ERBB4: variants seen among roughly 807,000 people sequenced by gnomAD.
ERBB4 encodes the protein erb-b2 receptor tyrosine kinase 4.
ERBB4 carries 42 observed loss-of-function variants against 158.0 expected under a neutral mutation model. The ratio of observed to expected loss-of-function variants is 0.27; its 90% CI spans 0.21 to 0.34. The LOEUF is 0.34. Among genes scored for constraint, ERBB4 ranks in the 10% least tolerant of loss-of-function variants. The pLI is 1.00. For synonymous variants in ERBB4, 583 were observed against 558.7 expected (o/e 1.04, Z -0.61); for missense variants, 1,333 against 1,624.1 (o/e 0.82, Z 3.08).
At chr2:212,316,957 G>A (rs1441816658) in intron 1 of ERBB4, among the ~76,000 whole-genome samples, 2 of 151,468 alleles carry the variant, frequency 1.3e-5, no homozygotes, top group Non-Finnish European at 3.0e-5. Context: ...GAGCTATTCT[G>A]AGGTGATTAT....
At chr2:211,925,831 T>TC (rs1491583429) in intron 3 of ERBB4, among the ~76,000 whole-genome samples, 4 of 152,132 alleles carry the variant, frequency 2.6e-5, no homozygotes, top group Non-Finnish European at 5.9e-5. Flanking sequence ...TCATACTTTT[T>TC]CTCTCTTTTT....
In ERBB4 at chr2:211,826,841, T is replaced by C. The variant is rs559035672; in HGVS notation, c.422-38682A>G. On this transcript the variant is annotated intron_variant, in intron 3 of 27. Coordinates refer to ENST00000342788, the MANE Select transcript of ERBB4 (RefSeq NM_005235.3). ...CATTTATCAAAACATTTTAATGACATATTTTACTTAAGGCAATCCTTAGAG... is the reference window on the plus strand; with the variant it reads ...CATTTATCAAAACATTTTAATGACACATTTTACTTAAGGCAATCCTTAGAG... 3.3e-5 allele frequency among the ~76,000 whole-genome samples: 5 copies of C among 152,202 alleles called. No homozygotes were observed. In the South Asian group the frequency reaches 1.0e-3, roughly 31 times the overall value.
intron 14 of ERBB4, among the ~76,000 whole-genome samples, chr2:211,672,811 T>G (rs1269798224): frequency 6.6e-6 from 1 of 152,154 alleles, no homozygotes; most frequent in Non-Finnish European, 1.5e-5. Flanking sequence ...CAGAATTAGT[T>G]TTTCCTTCAT....
intron 12 of ERBB4, among the ~76,000 whole-genome samples, chr2:211,694,757 T>G (rs575838416): frequency 1.5e-3 from 231 of 152,252 alleles, no homozygotes; most frequent in African/African-American, 5.0e-3. Context: ...ATTCATTGAT[T>G]TCCCAGGCTC....
rs188909038 is a variant in ERBB4 at position 212,373,527 on chromosome 2, T to C, written c.82+164922A>G. On this transcript the variant is annotated intron_variant, in intron 1 of 27. Transcript: ENST00000342788. ...TTCAGAATTTTTACAGCATTTACTA[T>C]AGTTTGTTAAGCAAAGTAATTAATA... is the stretch of plus-strand genomic sequence containing the variant. 4.0e-3 allele frequency among the ~76,000 whole-genome samples: 607 copies of C among 151,898 alleles called. 24 individuals carry two copies. Among genetic ancestry groups the C allele is most frequent in the Admixed American group, 0.035 (532 of 15,232 alleles).
chr2:212,079,165 G>A (rs2078360767), intron 2 of ERBB4, among the ~76,000 whole-genome samples: 1 of 151,102 alleles, frequency 6.6e-6, no homozygotes, highest in Non-Finnish European at 1.5e-5. Context: ...ATTTTCTGGA[G>A]CTGGAAATAT....
intron 19 of ERBB4, among the ~76,000 whole-genome samples, chr2:211,578,691 G>T (rs1468595700): frequency 6.6e-6 from 1 of 152,054 alleles, no homozygotes; most frequent in Non-Finnish European, 1.5e-5. Context: ...CTGACAACAA[G>T]AAGCAATGGG....
chr2:212,170,810 T>C (rs550930784), intron 1 of ERBB4, among the ~76,000 whole-genome samples: 6 of 152,280 alleles, frequency 3.9e-5, no homozygotes, highest in African/African-American at 1.4e-4. Flanking sequence ...AGAGGATGTA[T>C]GGAAACACCT....
intron 2 of ERBB4, among the ~76,000 whole-genome samples, chr2:211,984,107 G>A (rs1289040013): frequency 3.3e-5 from 5 of 152,136 alleles, no homozygotes; most frequent in African/African-American, 4.8e-5. Context: ...CAGATTCAGT[G>A]GCTGCTTGAG....
chr2:211,831,005 A>G (rs2077206522), intron 3 of ERBB4, among the ~76,000 whole-genome samples: 1 of 152,082 alleles, frequency 6.6e-6, no homozygotes, highest in South Asian at 2.1e-4. Context: ...GTAGGTTAAA[A>G]AAATAATAAA....
At chr2:211,978,185 G>A (rs1327522449) in intron 2 of ERBB4, among the ~76,000 whole-genome samples, 1 of 151,944 alleles carries the variant, frequency 6.6e-6, no homozygotes, top group Admixed American at 6.6e-5. Flanking sequence ...ATTGCTCCCT[G>A]GGCATTTCCT....
At chr2:212,062,396 A>ATTTTTTTTTTTTTTTTTTTTTTT (rs1559419685) in intron 2 of ERBB4, among the ~76,000 whole-genome samples, 3 of 96,522 alleles carry the variant, frequency 3.1e-5, no homozygotes, top group Non-Finnish European at 4.1e-5. Context: ...TCACTTGTCA[A>ATTTTTTTTTTTTTTTTTTTTTTT]TTCTTTTTTT....
At chr2:212,169,280 C>A (rs930590148) in intron 1 of ERBB4, among the ~76,000 whole-genome samples, 6 of 151,890 alleles carry the variant, frequency 4.0e-5, no homozygotes, top group Admixed American at 3.9e-4. Flanking sequence ...TACTTATCAA[C>A]AGAAAATTGA....
At chr2:211,387,890 TG>T in intron 26 of ERBB4, 54 bp downstream of exon 26, 1 of 1,316,848 alleles carries the variant, frequency 7.6e-7, no homozygotes, top group Non-Finnish European at 1.1e-6. Flanking sequence ...AGAGGAAACA[TG>T]GTAAGCAAAG....
At chr2:212,320,485 G>C (rs2087514196) in intron 1 of ERBB4, among the ~76,000 whole-genome samples, 1 of 139,346 alleles carries the variant, frequency 7.2e-6, no homozygotes, top group Non-Finnish European at 1.6e-5. Flanking sequence ...CTCACTAACA[G>C]GACTAAAGGA....
intron 1 of ERBB4, among the ~76,000 whole-genome samples, chr2:212,267,376 A>G (rs1380589712): frequency 6.6e-6 from 1 of 151,974 alleles, no homozygotes; most frequent in African/African-American, 2.4e-5. Context: ...AGATAAAAAA[A>G]GATTCCAGAA....
chr2:211,479,906 T>C (rs1369584694), intron 20 of ERBB4, among the ~76,000 whole-genome samples: 3 of 152,106 alleles, frequency 2.0e-5, no homozygotes, highest in African/African-American at 7.2e-5. Context: ...TTTTTTTCCC[T>C]TTTTTTCAGA....
At chr2:212,490,530 CCTCA>C (rs1345380529) in intron 1 of ERBB4, among the ~76,000 whole-genome samples, 1 of 151,812 alleles carries the variant, frequency 6.6e-6, no homozygotes, top group Admixed American at 6.6e-5. Flanking sequence ...AAACCAGAGT[CCTCA>C]CTATTTAATG....
chr2:212,413,134 ATTTTTTTTTTTTTT>A (rs370397826), intron 1 of ERBB4, among the ~76,000 whole-genome samples: 1 of 101,256 alleles, frequency 9.9e-6, no homozygotes, highest in Admixed American at 1.2e-4. Context: ...TGCGTGGCTA[ATTTTTTTTTTTTTT>A]TTTTTTTTTT....
Sources: gnomAD v4.1 joint callset for allele counts (sites outside exome capture counted in the v4.1 genomes callset) on GRCh38, gnomAD v4.1.1 for gene constraint, MANE v1.5 for transcripts, NCBI Gene and HGNC (gene_info 2026-07-23, HGNC 2026-07-21) for gene names.